PARD3B: variants seen among roughly 807,000 people sequenced by gnomAD.
PARD3B encodes partitioning defective 3 homolog B.
A neutral mutation model predicts 130.2 loss-of-function variants in PARD3B; 103 were observed. The observed-to-expected ratio is 0.79, with a 90% CI of 0.67 to 0.93. The LOEUF (loss-of-function observed/expected upper bound fraction) is 0.93. Ranked by LOEUF, PARD3B falls within the 40% of genes least tolerant of loss-of-function variation. The pLI, the probability that PARD3B is intolerant of heterozygous loss-of-function variation, is 0.00. For synonymous variants in PARD3B, 583 were observed against 553.2 expected, an observed-to-expected ratio of 1.05 and a Z score of -0.76; for missense variants, 1,609 against 1,499.2, an observed-to-expected ratio of 1.07 and a Z score of -1.21.
intron 15 of PARD3B, among the ~76,000 whole-genome samples, chr2:205,213,700 C>A (rs1402253064): frequency 6.6e-6 from 1 of 152,122 alleles, no homozygotes; most frequent in Non-Finnish European, 1.5e-5. Context: ...CAGAACATAG[C>A]ACCATACGCT....
intron 2 of PARD3B, among the ~76,000 whole-genome samples, chr2:204,823,118 A>G (rs559654301): frequency 2.6e-5 from 4 of 152,238 alleles, no homozygotes; most frequent in South Asian, 4.1e-4. Context: ...CAGATTTGTT[A>G]TAGGACAGTT....
At chr2:204,948,576 A>G (rs980206871) in intron 2 of PARD3B, among the ~76,000 whole-genome samples, 2 of 152,144 alleles carry the variant, frequency 1.3e-5, no homozygotes, top group Non-Finnish European at 2.9e-5. Flanking sequence ...GCACACAGAG[A>G]CCGAACATGA....
chr2:204,706,448 A>G (rs1483547940), intron 2 of PARD3B, among the ~76,000 whole-genome samples: 1 of 152,032 alleles, frequency 6.6e-6, no homozygotes, highest in Non-Finnish European at 1.5e-5. Context: ...GACAGTGGGG[A>G]GAAAAAAGTC....
chr2:204,586,878 A>G (rs1402805535), intron 1 of PARD3B, among the ~76,000 whole-genome samples: 1 of 152,200 alleles, frequency 6.6e-6, no homozygotes. Context: ...AATGCTTATG[A>G]CTAAACCTGC....
At chr2:204,851,291 T>G (rs1439507495) in intron 2 of PARD3B, among the ~76,000 whole-genome samples, 1 of 152,172 alleles carries the variant, frequency 6.6e-6, no homozygotes, top group Admixed American at 6.6e-5. Context: ...GAGTTTGCTA[T>G]TTGTAAGCCC....
chr2:204,735,610 A>G (rs1247092785), intron 2 of PARD3B, among the ~76,000 whole-genome samples: 1 of 152,172 alleles, frequency 6.6e-6, no homozygotes, highest in Non-Finnish European at 1.5e-5. Context: ...CAAACGTAAT[A>G]TATGCAGCTT....
At chr2:204,587,866 T>C (rs1258058058) in intron 1 of PARD3B, among the ~76,000 whole-genome samples, 1 of 152,184 alleles carries the variant, frequency 6.6e-6, no homozygotes, top group Non-Finnish European at 1.5e-5. Flanking sequence ...TGGGTTCTTA[T>C]GAGATCTGAT....
At chr2:204,697,000 T>C (rs1295481939) in intron 2 of PARD3B, among the ~76,000 whole-genome samples, 3 of 152,060 alleles carry the variant, frequency 2.0e-5, no homozygotes, top group Admixed American at 2.0e-4. Flanking sequence ...ATACAATACT[T>C]AACTACAAAC....
rs1421434724 is a variant in PARD3B at position 204,623,145 on chromosome 2, T to C, written c.121-63036T>C. Among the ~76,000 whole-genome samples the C allele has an allele frequency of 1.3e-5, 2 of 152,194 alleles. No homozygotes were observed. The highest frequency in any genetic ancestry group is 1.9e-4 in the East Asian group (1 of 5,204). ...CAGCAATTTTTATTTTTTAAAACTC[T>C]TTGTTTTGAAATAATTATAGATTCA... On this transcript the variant is annotated intron_variant, in intron 1 of 22. Transcript: ENST00000406610. This position sits in a 1 kb window ranked among gnomAD's most constrained non-coding sequence, Gnocchi z 4.5.
intron 1 of PARD3B, among the ~76,000 whole-genome samples, chr2:204,648,597 A>G (rs1352063723): frequency 8.0e-6 from 1 of 125,408 alleles, no homozygotes; most frequent in Non-Finnish European, 1.6e-5. Context: ...TATTATATAT[A>G]ATATATTTAT....
chr2:205,235,489 G>A lies in PARD3B; in HGVS notation c.2141-10289G>A, dbSNP rs116127319. Reference sequence around the variant, plus strand: ...CCTTGTCTACAGGGGATATGCCCCAGGACCCCCAGTGGATGCCTGAAACTG... The same window carrying A: ...CCTTGTCTACAGGGGATATGCCCCAAGACCCCCAGTGGATGCCTGAAACTG... On this transcript the variant is annotated intron_variant, in intron 15 of 22. Transcript: ENST00000406610. Among the ~76,000 whole-genome samples, 1,071 of 152,178 alleles carry A rather than the reference G, an allele frequency of 7.0e-3. 16 individuals carry two copies. The highest frequency in any genetic ancestry group is 0.024 in the African/African-American group (1,015 of 41,518).
At position 205,421,095 on chromosome 2, in the gene PARD3B, C is replaced by T. The variant is rs1361728494; in HGVS notation, c.2742-19275C>T. ...GGAGTGAGCCAAGGTCATGCCACTA[C>T]ACTCCAGCCTGGTAACAGAGCAAGA... On this transcript the variant is annotated intron_variant, in intron 19 of 22. Coordinates refer to ENST00000406610, the MANE Select transcript of PARD3B (RefSeq NM_001302769.2). This position sits in a 1 kb window ranked among gnomAD's most constrained non-coding sequence, Gnocchi z 5.1. 1.3e-5 allele frequency among the ~76,000 whole-genome samples: 2 copies of T among 151,964 alleles called. No homozygotes were observed. The highest frequency in any genetic ancestry group is 2.9e-5 in the Non-Finnish European group (2 of 68,024).
At chr2:205,217,890 A>ATTTTTTTTTTTT (rs1278697689) in intron 15 of PARD3B, among the ~76,000 whole-genome samples, 1 of 42,098 alleles carries the variant, frequency 2.4e-5, no homozygotes, top group Non-Finnish European at 3.9e-5. Context: ...ATATATATAT[A>ATTTTTTTTTTTT]TATATTTTTT....
intron 18 of PARD3B, among the ~76,000 whole-genome samples, chr2:205,376,402 G>GC: frequency 8.5e-6 from 1 of 117,148 alleles, no homozygotes; most frequent in African/African-American, 2.9e-5. Context: ...AGAGCAGCTG[G>GC]CCCATTACCC....
intron 19 of PARD3B, among the ~76,000 whole-genome samples, chr2:205,433,564 G>A (rs1037424474): frequency 2.7e-5 from 4 of 149,906 alleles, no homozygotes; most frequent in Non-Finnish European, 5.9e-5. Flanking sequence ...GGTAAATTGA[G>A]GTATAATTTA....
chr2:204,882,088 C>T (rs1575204563), intron 2 of PARD3B, among the ~76,000 whole-genome samples: 1 of 152,126 alleles, frequency 6.6e-6, no homozygotes, highest in African/African-American at 2.4e-5. Context: ...AAGATCTCAC[C>T]TGAACTGGAG....
At chr2:205,200,782 A>G (rs2036945939) in intron 15 of PARD3B, among the ~76,000 whole-genome samples, 1 of 152,232 alleles carries the variant, frequency 6.6e-6, no homozygotes, top group Admixed American at 6.5e-5. Flanking sequence ...ATTCAGGTAG[A>G]GAGAATGACT....
chr2:205,094,534 T>A (rs929054247), intron 4 of PARD3B, among the ~76,000 whole-genome samples: 1 of 152,172 alleles, frequency 6.6e-6, no homozygotes, highest in African/African-American at 2.4e-5. Flanking sequence ...CTAAATGTAC[T>A]ACCAAACTAA....
At chr2:204,834,946 A>T (rs535258257) in intron 2 of PARD3B, among the ~76,000 whole-genome samples, 18 of 152,246 alleles carry the variant, frequency 1.2e-4, no homozygotes, top group Non-Finnish European at 1.9e-4. Context: ...TTAGAGCTAG[A>T]ACACCTGGAT....
Sources: allele counts gnomAD v4.1 joint callset (sites outside exome capture counted in the v4.1 genomes callset), GRCh38; gene constraint gnomAD v4.1.1; non-coding constraint Gnocchi (gnomAD v3.1); transcripts MANE v1.5; gene names NCBI Gene and HGNC (gene_info 2026-07-23, HGNC 2026-07-21).